The following PARVB variants were observed in gnomAD, a reference collection of about 807,000 sequenced individuals.
PARVB encodes the protein beta-parvin.
Under a neutral mutation model 47.0 loss-of-function variants are expected in PARVB, and 46 were observed. The observed-to-expected ratio is 0.98, with a 90% CI of 0.77 to 1.25. PARVB has a LOEUF of 1.25. Among genes scored for constraint, PARVB ranks in the 50% most tolerant of loss-of-function variants. The pLI is 0.00. For synonymous variants in PARVB, 196 were observed against 196.3 expected (o/e 1.00, Z 0.01); for missense variants, 473 against 471.6 (o/e 1.00, Z -0.03).
chr22:44,157,691 C>A (rs1279189568), intron 10 of PARVB, among the ~76,000 whole-genome samples: 1 of 152,220 alleles, frequency 6.6e-6, no homozygotes, highest in African/African-American at 2.4e-5. Flanking sequence ...CCAGCCTGGG[C>A]AACATGGTGA....
In PARVB at chr22:44,125,130, T is replaced by C. The variant is rs975878830; in HGVS notation, c.376+5990T>C. Among the ~76,000 whole-genome samples the C allele has an allele frequency of 6.6e-6, 1 of 152,136 alleles. No homozygotes were observed. The highest frequency in any genetic ancestry group is 2.4e-5 in the African/African-American group (1 of 41,432). On this transcript the variant is annotated intron_variant, in intron 4 of 12. Coordinates refer to ENST00000338758, the MANE Select transcript of PARVB (RefSeq NM_013327.5). This position sits in a 1 kb window ranked among gnomAD's most constrained non-coding sequence, Gnocchi z 4.1. ...TCACTCTGAAGGACACAGTGATGCT[T>C]GGACCACATTGTTTGTCCTTATTCA...
intron 2 of PARVB, among the ~76,000 whole-genome samples, chr22:44,015,425 C>A (rs1463693790): frequency 6.6e-6 from 1 of 152,166 alleles, no homozygotes; most frequent in African/African-American, 2.4e-5. Context: ...CAGGCGTACC[C>A]AACATGAAGA....
intron 1 of PARVB, among the ~76,000 whole-genome samples, chr22:44,091,807 C>G (rs1011408873): frequency 1.1e-4 from 17 of 152,194 alleles, no homozygotes; most frequent in African/African-American, 3.9e-4. Flanking sequence ...CCAACCTGTA[C>G]CTAGGCTCTG....
intron 12 of PARVB, among the ~76,000 whole-genome samples, chr22:44,165,897 C>T (rs1424996825): frequency 1.3e-5 from 2 of 152,222 alleles, no homozygotes; most frequent in Non-Finnish European, 2.9e-5. Flanking sequence ...GCTAGCTCGG[C>T]GTTAGTGTCT....
intron 2 of PARVB, among the ~76,000 whole-genome samples, chr22:44,006,350 A>G (rs2050464753): frequency 6.6e-6 from 1 of 152,254 alleles, no homozygotes; most frequent in South Asian, 2.1e-4. Context: ...TCCTGGCCAG[A>G]TGCCGTGTCT....
In PARVB at chr22:44,068,014, C is replaced by T. The variant is rs1020733193; in HGVS notation, c.113-25914C>T. Among the ~76,000 whole-genome samples the T allele has an allele frequency of 5.3e-5, 8 of 152,074 alleles. No homozygotes were observed. Among genetic ancestry groups the T allele is most frequent in the Non-Finnish European group, 1.0e-4 (7 of 68,008 alleles). ...GCCCCTGGGAGTGGGCCAGGCATGT[C>T]CCAGTCCACTGCCTGCCCCAGAGCC... On this transcript the variant is annotated intron_variant, in intron 1 of 12. Transcript: ENST00000338758. The surrounding 1 kb of genome is among the most constrained non-coding windows in gnomAD (Gnocchi z 4.1).
intron 8 of PARVB, chr22:44,145,589 T>C (rs933805775): frequency 2.6e-5 from 4 of 152,320 alleles, no homozygotes; most frequent in Non-Finnish European, 5.9e-5. Context: ...AGGATGGAAG[T>C]TGGGGGCCCT....
intron 4 of PARVB, among the ~76,000 whole-genome samples, chr22:44,129,574 C>T (rs928881433): frequency 1.3e-5 from 2 of 152,312 alleles, no homozygotes; most frequent in Admixed American, 6.5e-5. Flanking sequence ...CTTCCTTCTC[C>T]AAGCTGCCCT....
Position 44,071,804 on chromosome 22 carries a change from T to C in PARVB, c.113-22124T>C, listed in dbSNP as rs112650125. Among the ~76,000 whole-genome samples the C allele has an allele frequency of 8.1e-4, 124 of 152,344 alleles. 1 individual carries two copies. Among genetic ancestry groups the C allele is most frequent in the African/African-American group, 2.8e-3 (116 of 41,574 alleles). The stretch of plus-strand genomic sequence containing the variant: ...TTTACTAGTTATGGGACCTTGACTT[T>C]CCCAAGATCTACTTTCCTTGTCAGT... On this transcript the variant is annotated intron_variant, in intron 1 of 12. Coordinates refer to ENST00000338758, the MANE Select transcript of PARVB (RefSeq NM_013327.5).
Position 44,140,144 on chromosome 22 carries a change from G to T in PARVB, c.712+1G>T, listed in dbSNP as rs1160219946. 5.1e-6 allele frequency: 8 copies of T among 1,559,282 alleles called. No individual in the cohort carries two copies. The highest frequency in any genetic ancestry group is 1.6e-5 in the African/African-American group (1 of 62,464). On this transcript the variant is annotated splice_donor_variant, in intron 8 of 12. Transcript: ENST00000338758. LOFTEE classifies it high-confidence loss of function. ...TGCAGGATGATGATGGGCCGGTTCGGTAAGTAACCCCAGGGAAAGTGGGGA... is the reference window on the plus strand; with the variant it reads ...TGCAGGATGATGATGGGCCGGTTCGTTAAGTAACCCCAGGGAAAGTGGGGA...
intron 1 of PARVB, among the ~76,000 whole-genome samples, chr22:44,030,312 G>GC (rs1210953781): frequency 6.6e-6 from 1 of 152,228 alleles, no homozygotes. Flanking sequence ...GGGGTTTTGG[G>GC]CCTCCCTGGA....
intron 1 of PARVB, among the ~76,000 whole-genome samples, chr22:44,083,552 G>T (rs2051956341): frequency 6.6e-6 from 1 of 152,214 alleles, no homozygotes; most frequent in African/African-American, 2.4e-5. Flanking sequence ...AGGATGTGCA[G>T]AGTGTGCTTT....
At chr22:44,070,161 A>G (rs1384749244) in intron 1 of PARVB, among the ~76,000 whole-genome samples, 1 of 152,178 alleles carries the variant, frequency 6.6e-6, no homozygotes, top group East Asian at 1.9e-4. Context: ...ATCCTCCTAA[A>G]AAGTTTTCTT....
intron 10 of PARVB, 131 bp downstream of exon 10, chr22:44,151,682 G>A: frequency 1.4e-6 from 1 of 712,110 alleles, no homozygotes; most frequent in Non-Finnish European, 2.5e-6. Flanking sequence ...CGTGGTGCAG[G>A]CAGAAATAAC....
intron 2 of PARVB, among the ~76,000 whole-genome samples, chr22:44,098,750 G>A (rs1569111520): frequency 6.6e-6 from 1 of 152,142 alleles, no homozygotes; most frequent in African/African-American, 2.4e-5. Flanking sequence ...CTCTGCTGCC[G>A]GGAAGTTGCA....
At chr22:44,051,941 G>T (rs1201032996) in intron 1 of PARVB, among the ~76,000 whole-genome samples, 3 of 152,160 alleles carry the variant, frequency 2.0e-5, no homozygotes, top group Non-Finnish European at 4.4e-5. Context: ...AAGCCAAGAT[G>T]CACCGAGGAC....
At chr22:44,000,776 C>G (rs2050405598) in intron 2 of PARVB, among the ~76,000 whole-genome samples, 1 of 152,164 alleles carries the variant, frequency 6.6e-6, no homozygotes, top group South Asian at 2.1e-4. Context: ...ATCTGAAACC[C>G]CGTCTATGTC....
rs1477783158 is a variant in PARVB at position 44,151,493 on chromosome 22, C to T, written c.785C>T (p.Thr262Ile). 1.2e-6 allele frequency: 2 copies of T among 1,613,720 alleles called. No individual in the cohort carries two copies. Among genetic ancestry groups the T allele is most frequent in the South Asian group, 1.1e-5 (1 of 91,080 alleles). ...KLSVVKKSLITFVNKHLNKLN... is the reference protein window; with the variant it reads ...KLSVVKKSLIIFVNKHLNKLN... ...TTTTATTCTTGGCAGTCTCTCATCA[C>T]TTTTGTGAACAAGCACCTGAACAAG... is the stretch of plus-strand genomic sequence containing the variant. The change falls in exon 10 of 13, where the codon ACT becomes ATT. Residue 262 changes from threonine to isoleucine, a missense_variant. By Grantham distance (89) the Thr-to-Ile change is moderately conservative (BLOSUM62 -1). Coordinates refer to ENST00000338758, the MANE Select transcript of PARVB (RefSeq NM_013327.5).
At chr22:44,024,795 C>G (rs892411751) in intron 1 of PARVB, among the ~76,000 whole-genome samples, 1 of 152,124 alleles carries the variant, frequency 6.6e-6, no homozygotes, top group African/African-American at 2.4e-5. Flanking sequence ...GCGGGGTGAC[C>G]GTTCATTCCA....
Sources: allele counts gnomAD v4.1 joint callset (sites outside exome capture counted in the v4.1 genomes callset), GRCh38; gene constraint gnomAD v4.1.1; non-coding constraint Gnocchi (gnomAD v3.1); transcripts MANE v1.5; gene names NCBI Gene and HGNC (gene_info 2026-07-23, HGNC 2026-07-21).